ATIC: variants seen among roughly 807,000 people sequenced by gnomAD.
The protein encoded by ATIC is bifunctional purine biosynthesis protein ATIC.
Under a neutral mutation model 72.5 loss-of-function variants are expected in ATIC, and 64 were observed. The observed-to-expected ratio is 0.88, with a 90% CI of 0.72 to 1.09. The LOEUF is 1.09. ATIC is among the 50% of genes least tolerant of loss of function. The pLI is 0.00. For synonymous variants in ATIC, 281 were observed against 267.1 expected, an observed-to-expected ratio of 1.05 and a Z score of -0.51; for missense variants, 787 against 732.4, an observed-to-expected ratio of 1.07 and a Z score of -0.86.
At chr2:215,360,499 T>C in the ATIC span, 1 of 152,226 alleles carries the variant, frequency 6.6e-6, no homozygotes, top group African/African-American at 2.4e-5. Flanking sequence ...GCAATCTCTT[T>C]GAACAGAGGT....
intron 7 of ATIC, among the ~76,000 whole-genome samples, chr2:215,328,352 C>G (rs1302226777): frequency 1.3e-5 from 2 of 152,114 alleles, no homozygotes; most frequent in Middle Eastern, 3.2e-3. Context: ...TAAAGCCATT[C>G]CTTGGCTTTT....
At chr2:215,323,254 T>TC (rs1265574656) in intron 4 of ATIC, among the ~76,000 whole-genome samples, 6 of 152,002 alleles carry the variant, frequency 3.9e-5, no homozygotes, top group African/African-American at 1.2e-4. Context: ...CCCAACTTCG[T>TC]TTTTTTTATT....
chr2:215,367,035 A>G, the ATIC span, among the ~76,000 whole-genome samples: 2 of 152,212 alleles, frequency 1.3e-5, no homozygotes, highest in Non-Finnish European at 2.9e-5. Context: ...AATACTTTGA[A>G]AATCTCTTTT....
chr2:215,338,787 A>G lies in ATIC; in HGVS notation c.1107A>G (p.Gln369=), dbSNP rs779392444. The change falls in exon 12 of 16, where the codon CAA becomes CAG. Residue 369 remains glutamine, a synonymous_variant. Transcript: ENST00000236959. ...NGNYCVLQMD[Q]SYKPDENEVR... ...TAAAATTTGTATTTTAGATGGACCA[A>G]TCTTACAAACCAGATGAAAATGAAG... 4.0e-5 allele frequency: 64 copies of G among 1,613,544 alleles called. No individual in the cohort carries two copies. Among genetic ancestry groups the G allele is most frequent in the Non-Finnish European group, 4.9e-5 (58 of 1,179,738 alleles).
chr2:215,360,072 G>A, the ATIC span, among the ~76,000 whole-genome samples: 4 of 152,028 alleles, frequency 2.6e-5, no homozygotes, highest in African/African-American at 7.3e-5. Context: ...CTGAGTAGCC[G>A]GGACCAAAGA....
intron 3 of ATIC, among the ~76,000 whole-genome samples, chr2:215,319,086 G>A (rs924114280): frequency 6.6e-6 from 1 of 151,964 alleles, no homozygotes. Context: ...TCACCTTGTT[G>A]CCCAGGCTGG....
At chr2:215,361,716 A>T in the ATIC span, 2 of 1,064,704 alleles carry the variant, frequency 1.9e-6, no homozygotes, top group South Asian at 1.3e-5. Flanking sequence ...GACTCATGAC[A>T]GCTGCTTATA....
At chr2:215,358,549 A>G in the ATIC span, among the ~76,000 whole-genome samples, 40,484 of 152,140 alleles carry the variant, frequency 0.27, 6,167 homozygotes, top group South Asian at 0.47. Context: ...AGTAAGACAC[A>G]TTAGATTGGG....
intron 2 of ATIC, among the ~76,000 whole-genome samples, chr2:215,316,951 G>A (rs536274509): frequency 6.6e-6 from 1 of 152,192 alleles, no homozygotes; most frequent in South Asian, 2.1e-4. Flanking sequence ...TAGTAGAGGC[G>A]GGGTTTCACC....
chr2:215,327,085 T>C (rs771967723), intron 7 of ATIC, 107 bp downstream of exon 7: 76 of 1,542,728 alleles, frequency 4.9e-5, no homozygotes, highest in Non-Finnish European at 6.4e-5. Context: ...CATTCCGTAA[T>C]GCCTCCTGTA....
At chr2:215,339,032 C>T (rs1170850739) in intron 12 of ATIC, 125 bp downstream of exon 12, 13 of 1,313,732 alleles carry the variant, frequency 9.9e-6, no homozygotes, top group African/African-American at 1.5e-5. Context: ...GGCTAGCTAG[C>T]TTATCTTTGA....
intron 13 of ATIC, chr2:215,345,083 T>C (rs2053058590): frequency 3.3e-6 from 2 of 614,242 alleles, no homozygotes; most frequent in Non-Finnish European, 5.9e-6. Flanking sequence ...TCAAAGTAGT[T>C]GTGCTGCTTC....
chr2:215,337,502 G>A (rs2052969492), intron 11 of ATIC, among the ~76,000 whole-genome samples: 1 of 152,094 alleles, frequency 6.6e-6, no homozygotes, highest in African/African-American at 2.4e-5. Flanking sequence ...AAGTACCTGG[G>A]ACTACAGGCA....
At chr2:215,360,591 TACTTCTGAAC>T in the ATIC span, 1 of 152,326 alleles carries the variant, frequency 6.6e-6, no homozygotes, top group Non-Finnish European at 1.5e-5. Context: ...ATTTCTATTA[TACTTCTGAAC>T]GGTAAACTAG....
downstream of ATIC, among the ~76,000 whole-genome samples, chr2:215,353,197 A>G (rs777502672): frequency 5.9e-5 from 9 of 152,150 alleles, no homozygotes; most frequent in Non-Finnish European, 1.2e-4. Context: ...GTATTCAATT[A>G]TTGATACATT....
chr2:215,333,574 G>C, intron 9 of ATIC, 117 bp downstream of exon 9: 2 of 694,914 alleles, frequency 2.9e-6, no homozygotes, highest in Non-Finnish European at 4.6e-6. Context: ...ATAATATATA[G>C]ATGAAATTAA....
chr2:215,325,110 C>T (rs180951754), intron 4 of ATIC, 131 bp from the exon 5 acceptor site: 8 of 713,558 alleles, frequency 1.1e-5, no homozygotes, highest in Admixed American at 1.1e-4. Context: ...AAATGTCAGG[C>T]TCACAGTTTA....
intron 3 of ATIC, 71 bp downstream of exon 3, chr2:215,318,304 AAAAT>A: frequency 7.2e-7 from 1 of 1,389,666 alleles, no homozygotes; most frequent in Non-Finnish European, 1.0e-6. Flanking sequence ...ATAGCGTCCT[AAAAT>A]AAAGGAAGAA....
intron 12 of ATIC, among the ~76,000 whole-genome samples, chr2:215,343,405 T>G (rs1435833785): frequency 6.6e-6 from 1 of 152,142 alleles, no homozygotes; most frequent in Non-Finnish European, 1.5e-5. Context: ...GGCATGATCT[T>G]GTCTCACTGC....
Sources: allele counts gnomAD v4.1 joint callset (sites outside exome capture counted in the v4.1 genomes callset), GRCh38; gene constraint gnomAD v4.1.1; transcripts MANE v1.5; gene names NCBI Gene and HGNC (gene_info 2026-07-23, HGNC 2026-07-21).